The following ITIH5 variants were observed in gnomAD, a reference collection of about 807,000 sequenced individuals.
ITIH5 encodes the protein inter-alpha-trypsin inhibitor heavy chain 5.
Under a neutral mutation model 77.5 loss-of-function variants are expected in ITIH5, and 65 were observed. The ratio of observed to expected loss-of-function variants is 0.84; its 90% CI spans 0.69 to 1.03. The LOEUF is 1.03. ITIH5 is among the 50% of genes least tolerant of loss of function. ITIH5 has a pLI of 0.00. For synonymous variants in ITIH5, 525 were observed against 494.3 expected, an observed-to-expected ratio of 1.06 and a Z score of -0.82; for missense variants, 1,208 against 1,213.1, an observed-to-expected ratio of 1.00 and a Z score of 0.06.
intron 11 of ITIH5, chr10:7,572,518 A>G: frequency 8.2e-7 from 1 of 1,223,024 alleles, no homozygotes; most frequent in Non-Finnish European, 1.0e-6. Flanking sequence ...GGATCTCTAA[A>G]ACAAATGTCT....
In ITIH5 at chr10:7,628,681, TAGCGTGTGTCCATGTTGC is replaced by T. The variant is rs1209580079; in HGVS notation, c.652+8529_652+8546del. 5.9e-4 allele frequency among the ~76,000 whole-genome samples: 89 copies of T among 150,296 alleles called. 3 individuals are homozygous for T. The highest frequency in any genetic ancestry group is 3.4e-3 in the Middle Eastern group (1 of 292). ...TGGGTTGTCACATGTGTCCATGTTGTAGCGTGTGTCCATGTTGCAGCGTGTGTCCATGTTGTAGCGTGT... is the reference window on the plus strand; with the variant it reads ...TGGGTTGTCACATGTGTCCATGTTGTAGCGTGTGTCCATGTTGTAGCGTGT... On this transcript the variant is annotated intron_variant, in intron 5 of 13. Transcript: ENST00000397146.
chr10:7,572,692 C>T (rs565888742), intron 11 of ITIH5: 2 of 240,504 alleles, frequency 8.3e-6, no homozygotes, highest in African/African-American at 2.3e-5. Context: ...TTCTCAGGCT[C>T]TGCCTCACAC....
At position 7,641,959 on chromosome 10, in the gene ITIH5, A is replaced by C. The variant is rs764190941; in HGVS notation, c.267T>G (p.Ile89Met). 1 of 1,614,126 alleles carries C rather than the reference A, an allele frequency of 6.2e-7. No individual in the cohort carries two copies. The highest frequency in any genetic ancestry group is 2.2e-5 in the East Asian group (1 of 44,878). Residue 89 changes from isoleucine (I) to methionine (M), a missense_variant, in exon 3 of 14, where the codon ATT becomes ATG. Physicochemically the swap from Ile to Met is conservative, Grantham distance 10. Transcript: ENST00000397146. ...AGTTGGTGATGAAAGCTGCAGCTGG[A>C]ATCTGCATCTGGAACTCAATGTCCT... ...EDQDIEFQMQIPAAAFITNFT... is the reference protein window; with the variant it reads ...EDQDIEFQMQMPAAAFITNFT...
chr10:7,638,352 A>T (rs1335522191), intron 4 of ITIH5, among the ~76,000 whole-genome samples: 1 of 152,208 alleles, frequency 6.6e-6, no homozygotes, highest in Non-Finnish European at 1.5e-5. Context: ...TAAGTATTGA[A>T]ATGGAAAAAT....
At chr10:7,649,453 T>A (rs1218285486) in intron 2 of ITIH5, among the ~76,000 whole-genome samples, 1 of 152,214 alleles carries the variant, frequency 6.6e-6, no homozygotes, top group East Asian at 1.9e-4. Context: ...TGAAATCTAA[T>A]CTTTTATGTC....
At chr10:7,639,797 CAAAAG>C (rs1290265588) in intron 4 of ITIH5, among the ~76,000 whole-genome samples, 1 of 151,780 alleles carries the variant, frequency 6.6e-6, no homozygotes, top group Non-Finnish European at 1.5e-5. Flanking sequence ...CATTTATAAA[CAAAAG>C]AAAGAATAAA....
intron 8 of ITIH5, among the ~76,000 whole-genome samples, chr10:7,582,023 A>G (rs4749028): frequency 6.6e-5 from 10 of 150,684 alleles, no homozygotes; most frequent in Admixed American, 2.6e-4. Flanking sequence ...TTACAGGCAC[A>G]CGCCACCATG....
chr10:7,570,130 T>C lies in ITIH5; in HGVS notation c.2033-346A>G, dbSNP rs147004897. On this transcript the variant is annotated intron_variant, in intron 11 of 13. Transcript: ENST00000397146. ...ACCTTCAACTGGTACTCAGCCCCCA[T>C]GCTTCCATTTCCCAGGGGGACATCC... is the stretch of plus-strand genomic sequence containing the variant. 89 of 170,584 alleles carry C rather than the reference T, an allele frequency of 5.2e-4. 1 individual carries two copies. The East Asian group carries it at 0.014, about 26-fold the overall frequency. The allele number at this position is 170,584 out of a possible 1,614,324, so 10.6% of individuals were successfully genotyped here. A position where few individuals can be genotyped will look rare whatever the true frequency, so the allele number is the denominator to read the frequency against.
At chr10:7,656,135 T>G (rs1458894969) in intron 1 of ITIH5, among the ~76,000 whole-genome samples, 1 of 152,214 alleles carries the variant, frequency 6.6e-6, no homozygotes, top group East Asian at 1.9e-4. Context: ...AAACTGAACT[T>G]ATCTTGAATT....
chr10:7,563,407 C>T (rs977810057), intron 13 of ITIH5, 23 bp from the exon 14 acceptor site: 16 of 1,602,206 alleles, frequency 1.0e-5, no homozygotes, highest in East Asian at 4.5e-5. Flanking sequence ...GGAAAAGCAT[C>T]GGGTCTCAGT....
chr10:7,622,727 A>C (rs1293176866), intron 5 of ITIH5, among the ~76,000 whole-genome samples: 2 of 152,256 alleles, frequency 1.3e-5, no homozygotes, highest in Non-Finnish European at 2.9e-5. Context: ...AAAAAAGAAT[A>C]ATCTTTACAA....
chr10:7,609,903 C>A (rs770329632), intron 7 of ITIH5, among the ~76,000 whole-genome samples: 24 of 151,956 alleles, frequency 1.6e-4, no homozygotes, highest in Non-Finnish European at 2.8e-4. Flanking sequence ...AAAGGAAAGA[C>A]AAGAAAGTGG....
In ITIH5 at chr10:7,647,383, T is replaced by A. The variant is rs1834023391; in HGVS notation, c.136-5293A>T. 3.9e-5 allele frequency among the ~76,000 whole-genome samples: 6 copies of A among 152,234 alleles called. No homozygotes were observed. In the South Asian group the frequency reaches 1.2e-3, roughly 31 times the overall value. On this transcript the variant is annotated intron_variant, in intron 2 of 13. Coordinates refer to ENST00000397146, the MANE Select transcript of ITIH5 (RefSeq NM_030569.7). ...TGCTCCTGCCAAGGAGCCCGGCTCA[T>A]GCAGGAAGCTGCACTGCCCCCTCCA...
At chr10:7,595,647 T>C (rs553978548) in intron 7 of ITIH5, among the ~76,000 whole-genome samples, 7 of 152,362 alleles carry the variant, frequency 4.6e-5, no homozygotes, top group Admixed American at 1.3e-4. Context: ...ATCTTAGATT[T>C]ACTATTAAGT....
chr10:7,582,099 T>A (rs1256885574), intron 8 of ITIH5, among the ~76,000 whole-genome samples: 31 of 152,038 alleles, frequency 2.0e-4, no homozygotes, highest in African/African-American at 5.5e-4. Context: ...CTGGTCTTGA[T>A]TTCCTGACCT....
In ITIH5 at chr10:7,576,906, C is replaced by A. The variant is rs567773535; in HGVS notation, c.1525G>T (p.Gly509Cys). 1.2e-6 allele frequency: 2 copies of A among 1,614,104 alleles called. No individual in the cohort carries two copies. The highest frequency in any genetic ancestry group is 3.3e-5 in the Admixed American group (2 of 60,002). ...TTCCCCGCAATGATGATCTCCGAGC[C>A]GTTGAAGTAGTTGGGGAACAGGGTC... ...TKTLFPNYFN[G>C]SEIIIAGKLV... The change falls in exon 10 of 14, where the codon GGC becomes TGC. Residue 509 changes from glycine to cysteine, a missense_variant. Coordinates refer to ENST00000397146, the MANE Select transcript of ITIH5 (RefSeq NM_030569.7).
In ITIH5 at chr10:7,566,100, G is replaced by T. The variant is rs751187046; in HGVS notation, c.2457C>A (p.Phe819Leu). 7 of 1,614,048 alleles carry T rather than the reference G, an allele frequency of 4.3e-6. No homozygotes were observed. The highest frequency in any genetic ancestry group is 5.9e-6 in the Non-Finnish European group (7 of 1,180,040). Residue 819 changes from phenylalanine (F) to leucine (L), a missense_variant, in exon 13 of 14, where the codon TTC (phenylalanine) becomes TTA (leucine). Physicochemically the swap from Phe to Leu is conservative, Grantham distance 22. Coordinates refer to ENST00000397146, the MANE Select transcript of ITIH5 (RefSeq NM_030569.7). The stretch of plus-strand genomic sequence containing the variant: ...TGTAGAAACCCAGGTGGTGTCGCTG[G>T]AAGGGCGCCGGCTTTTTGTAGAGGT... Reference protein sequence around the residue: ...LIHLYKKPAPFQRHHLGFYIA... With the variant: ...LIHLYKKPAPLQRHHLGFYIA...
At chr10:7,610,139 G>GT (rs1379780720) in intron 7 of ITIH5, among the ~76,000 whole-genome samples, 2 of 142,132 alleles carry the variant, frequency 1.4e-5, no homozygotes, top group Non-Finnish European at 3.0e-5. Flanking sequence ...AAACTGGGAG[G>GT]TAGAAACCCT....
At position 7,603,557 on chromosome 10, in the gene ITIH5, T is replaced by C. The variant is rs1005052738; in HGVS notation, c.939+12425A>G. Among the ~76,000 whole-genome samples the C allele has an allele frequency of 3.3e-5, 5 of 152,296 alleles. No individual in the cohort carries two copies. In the East Asian group the frequency reaches 7.7e-4, roughly 24 times the overall value. ...TGGATGTTATGGGCTGTGAATTCTA[T>C]CTCAACAACGCTGATACGGTTTTGT... On this transcript the variant is annotated intron_variant, in intron 7 of 13. Coordinates refer to ENST00000397146, the MANE Select transcript of ITIH5 (RefSeq NM_030569.7).
Sources: allele counts gnomAD v4.1 joint callset (sites outside exome capture counted in the v4.1 genomes callset), GRCh38; gene constraint gnomAD v4.1.1; transcripts MANE v1.5; gene names NCBI Gene and HGNC (gene_info 2026-07-23, HGNC 2026-07-21).